Variants in METTL15 observed in about 807,000 individuals in gnomAD.
The protein encoded by METTL15 is 12S rRNA N(4)-cytidine methyltransferase METTL15.
A neutral mutation model predicts 38.3 loss-of-function variants in METTL15; 34 were observed. The observed-to-expected ratio is 0.89, with a 90% CI of 0.68 to 1.18. METTL15 has a LOEUF of 1.18. METTL15 is among the 50% of genes most tolerant of loss of function. The pLI, the probability that METTL15 is intolerant of heterozygous loss-of-function variation, is 0.00. For missense variants in METTL15, 438 were observed against 498.4 expected (o/e 0.88, Z 1.15); for synonymous variants, 162 against 170.9 (o/e 0.95, Z 0.41).
At chr11:28,228,079 G>A (rs189703661) in intron 4 of METTL15, among the ~76,000 whole-genome samples, 6 of 152,026 alleles carry the variant, frequency 3.9e-5, no homozygotes, top group African/African-American at 1.4e-4. Flanking sequence ...GTATAAGGAA[G>A]GAGACAAGGA....
intron 4 of METTL15, among the ~76,000 whole-genome samples, chr11:28,279,113 C>T (rs867041931): frequency 1.4e-4 from 22 of 152,258 alleles, no homozygotes; most frequent in Middle Eastern, 6.8e-3. Flanking sequence ...AGGCATGAGC[C>T]GCTGTGCCCA....
intron 6 of METTL15, among the ~76,000 whole-genome samples, chr11:28,303,396 C>T (rs1005098161): frequency 2.0e-5 from 3 of 152,150 alleles, no homozygotes; most frequent in Non-Finnish European, 2.9e-5. Context: ...AGTCTCAGAG[C>T]TCATGTTAAA....
chr11:28,260,242 C>T (rs189438279), intron 4 of METTL15, among the ~76,000 whole-genome samples: 187 of 152,262 alleles, frequency 1.2e-3, no homozygotes, highest in African/African-American at 4.4e-3. Context: ...TTGCATAGAA[C>T]GTTCTTCCCT....
At chr11:28,505,277 C>T (rs552370163) in intron 6 of METTL15, among the ~76,000 whole-genome samples, 1 of 152,246 alleles carries the variant, frequency 6.6e-6, no homozygotes, top group Admixed American at 6.5e-5. Context: ...TTGCCACCTC[C>T]AAAATACTCA....
chr11:28,390,462 G>A (rs868670994), intron 5 of METTL15, among the ~76,000 whole-genome samples: 8 of 151,014 alleles, frequency 5.3e-5, no homozygotes, highest in East Asian at 2.0e-4. Context: ...GCCAGTTTTC[G>A]CAGCACCATT....
intron 5 of METTL15, among the ~76,000 whole-genome samples, chr11:28,366,583 C>A (rs984222632): frequency 2.6e-5 from 4 of 152,234 alleles, no homozygotes; most frequent in South Asian, 4.1e-4. Context: ...AGAGAGGAGC[C>A]TACCTAGTAG....
intron 4 of METTL15, among the ~76,000 whole-genome samples, chr11:28,246,090 T>G (rs946687064): frequency 1.2e-4 from 19 of 152,232 alleles, no homozygotes; most frequent in Middle Eastern, 6.8e-3. Flanking sequence ...GATACAAATA[T>G]ACAACTATAT....
intron 3 of METTL15, among the ~76,000 whole-genome samples, chr11:28,178,832 T>G (rs1851174812): frequency 6.6e-6 from 1 of 151,830 alleles, no homozygotes; most frequent in Admixed American, 6.6e-5. Flanking sequence ...TCCTTATAGG[T>G]TTCGTATATG....
intron 5 of METTL15, among the ~76,000 whole-genome samples, chr11:28,390,938 C>T (rs1363428763): frequency 6.6e-6 from 1 of 152,116 alleles, no homozygotes; most frequent in Admixed American, 6.6e-5. Flanking sequence ...TTGAAGAGGT[C>T]CTTCACGTCC....
chr11:28,432,089 A>T (rs942302513), intron 6 of METTL15, among the ~76,000 whole-genome samples: 3 of 152,220 alleles, frequency 2.0e-5, no homozygotes, highest in Non-Finnish European at 4.4e-5. Context: ...CTTGGACTCC[A>T]TCTCATGGAG....
At chr11:28,267,919 C>T (rs144367622) in intron 4 of METTL15, among the ~76,000 whole-genome samples, 3,975 of 152,106 alleles carry the variant, frequency 0.026, 184 homozygotes, top group African/African-American at 0.091. Context: ...AAATATTGGC[C>T]GGGCGCGGTG....
intron 6 of METTL15, among the ~76,000 whole-genome samples, chr11:28,484,388 C>T (rs1426883755): frequency 3.3e-5 from 5 of 152,148 alleles, no homozygotes; most frequent in African/African-American, 9.7e-5. Context: ...TCCCTAAATG[C>T]GACACTGCCC....
rs549463246 is a variant in METTL15 at position 28,517,698 on chromosome 11, A to T, written c.*425-8780A>T. ...GCCGCTCTTTCCATTCTCAACTGTC[A>T]TTGCCATTTACTTTGGCAATAAATA... is the stretch of plus-strand genomic sequence containing the variant. On this transcript the variant is annotated intron_variant and NMD_transcript_variant, in intron 6 of 7. Coordinates refer to the METTL15 transcript ENST00000532947. Among the ~76,000 whole-genome samples, 8 of 152,280 alleles carry T rather than the reference A, an allele frequency of 5.3e-5. No homozygotes were observed. In the South Asian group the frequency reaches 1.2e-3, roughly 24 times the overall value.
At chr11:28,504,237 A>T (rs1457936036) in intron 6 of METTL15, among the ~76,000 whole-genome samples, 1 of 151,900 alleles carries the variant, frequency 6.6e-6, no homozygotes, top group East Asian at 1.9e-4. Context: ...GAAAAGAAAA[A>T]AAAATTGCAT....
chr11:28,122,333 A>ATATATG (rs368603716), intron 3 of METTL15, among the ~76,000 whole-genome samples: 3 of 112,104 alleles, frequency 2.7e-5, no homozygotes, highest in East Asian at 2.7e-4. Context: ...ATGTGTGTAT[A>ATATATG]TGTGTGTGTG....
At chr11:28,464,424 A>T (rs1851240492) in intron 6 of METTL15, among the ~76,000 whole-genome samples, 1 of 152,222 alleles carries the variant, frequency 6.6e-6, no homozygotes, top group African/African-American at 2.4e-5. Flanking sequence ...CACAGAGAGT[A>T]TGTAAACAAA....
intron 5 of METTL15, among the ~76,000 whole-genome samples, chr11:28,368,882 C>T (rs1430961019): frequency 6.6e-6 from 1 of 152,040 alleles, no homozygotes; most frequent in East Asian, 1.9e-4. Flanking sequence ...AACCATCATT[C>T]TCAGCAAACT....
intron 6 of METTL15, among the ~76,000 whole-genome samples, chr11:28,479,517 T>C (rs1471437761): frequency 2.0e-5 from 3 of 152,350 alleles, no homozygotes; most frequent in East Asian, 3.9e-4. Flanking sequence ...CATACTCTTA[T>C]ATTCTTGAAC....
At chr11:28,435,799 A>T (rs1590374200) in intron 6 of METTL15, among the ~76,000 whole-genome samples, 1 of 152,364 alleles carries the variant, frequency 6.6e-6, no homozygotes, top group South Asian at 2.1e-4. Context: ...AAACCCTGCT[A>T]GACTTTGCCT....
Sources: allele counts gnomAD v4.1 joint callset (sites outside exome capture counted in the v4.1 genomes callset), GRCh38; gene constraint gnomAD v4.1.1; transcripts MANE v1.5; gene names NCBI Gene and HGNC (gene_info 2026-07-23, HGNC 2026-07-21).